ZNF462: variants seen among roughly 807,000 people sequenced by gnomAD.
The protein encoded by ZNF462 is zinc finger PBX1-interacting protein.
ZNF462 carries 10 observed loss-of-function variants against 201.9 expected under a neutral mutation model. The ratio of observed to expected loss-of-function variants is 0.05; its 90% CI spans 0.03 to 0.08. The LOEUF is 0.08. Ranked by LOEUF, ZNF462 falls within the 10% of genes least tolerant of loss-of-function variation. ZNF462 has a pLI of 1.00. For missense variants in ZNF462, 2,523 were observed against 3,168.3 expected, an observed-to-expected ratio of 0.80 and a Z score of 4.89; for synonymous variants, 1,227 against 1,193.3, an observed-to-expected ratio of 1.03 and a Z score of -0.58.
At chr9:106,884,346 T>C (rs1260225392) in intron 1 of ZNF462, among the ~76,000 whole-genome samples, 1 of 152,216 alleles carries the variant, frequency 6.6e-6, no homozygotes, top group Non-Finnish European at 1.5e-5. Flanking sequence ...CAGAACTTGA[T>C]ATTTGTGGCT....
chr9:106,969,989 A>T (rs1410287483), intron 7 of ZNF462, among the ~76,000 whole-genome samples: 1 of 152,186 alleles, frequency 6.6e-6, no homozygotes, highest in Non-Finnish European at 1.5e-5. Context: ...TTCAAGCAGA[A>T]ACTAGACTTG....
rs1427152310 is a variant in ZNF462, at chr9:106,952,942, T to A, written c.6427+13835T>A. On this transcript the variant is annotated intron_variant, in intron 7 of 12. Transcript: ENST00000277225. Reference sequence around the variant, plus strand: ...AGGTTAGGGGGCACATCAGCCTGACTCCAAAGTCTGTTTACTGTGCCACTG... The same window carrying A: ...AGGTTAGGGGGCACATCAGCCTGACACCAAAGTCTGTTTACTGTGCCACTG... Among the ~76,000 whole-genome samples the A allele has an allele frequency of 3.3e-5, 5 of 152,130 alleles. No homozygotes were observed. The East Asian group carries it at 9.7e-4, about 29-fold the overall frequency.
chr9:106,909,366 A>G (rs902960436), intron 1 of ZNF462, among the ~76,000 whole-genome samples: 5 of 152,080 alleles, frequency 3.3e-5, no homozygotes, highest in Non-Finnish European at 7.4e-5. Context: ...TGTTATAACC[A>G]CTACATTTAA....
intron 9 of ZNF462, among the ~76,000 whole-genome samples, chr9:106,979,914 G>A (rs1420714294): frequency 6.6e-6 from 1 of 152,122 alleles, no homozygotes; most frequent in Non-Finnish European, 1.5e-5. Flanking sequence ...TAAAGTTTCT[G>A]TTTCCCAATA....
Position 107,006,672 on chromosome 9 carries a change from A to C in ZNF462, c.7190-2873A>C, listed in dbSNP as rs1218217448. On this transcript the variant is annotated intron_variant, in intron 11 of 12. Transcript: ENST00000277225. This position sits in a 1 kb window ranked among gnomAD's most constrained non-coding sequence, Gnocchi z 4.3. ...CTGTTCCTTTTCCTGACTTGCACTC[A>C]CCCTCCTACCATGATGCCAGGGCTA... Among the ~76,000 whole-genome samples, 1 of 151,728 alleles carries C rather than the reference A, an allele frequency of 6.6e-6. No individual in the cohort carries two copies. Among genetic ancestry groups the C allele is most frequent in the East Asian group, 1.9e-4 (1 of 5,166 alleles).
intron 1 of ZNF462, among the ~76,000 whole-genome samples, chr9:106,887,297 T>G (rs1828362716): frequency 6.6e-6 from 1 of 152,220 alleles, no homozygotes; most frequent in East Asian, 1.9e-4. Flanking sequence ...TAACATGTTG[T>G]TCTTACATGT....
Position 106,870,812 on chromosome 9 carries a change from C to T in ZNF462, c.-31+7457C>T, listed in dbSNP as rs1280643204. ...ATTTGTGGAGAGAGCTTAGCCGCCA[C>T]AGAGCCCAGCTGGGGAAGGCCAAAC... On this transcript the variant is annotated intron_variant, in intron 1 of 12. Coordinates refer to ENST00000277225, the MANE Select transcript of ZNF462 (RefSeq NM_021224.6). The surrounding 1 kb of genome is among the most constrained non-coding windows in gnomAD (Gnocchi z 4.3). Among the ~76,000 whole-genome samples the T allele has an allele frequency of 6.6e-6, 1 of 152,196 alleles. No individual in the cohort carries two copies. The highest frequency in any genetic ancestry group is 1.5e-5 in the Non-Finnish European group (1 of 68,048).
In ZNF462 at chr9:106,913,604, A is replaced by C. The variant is rs1029479646; in HGVS notation, c.-30-9750A>C. ...TCAGAGGTCACATGCTAAAGACTTA[A>C]CTTTTTTTTTTTTGAGACAATCTCA... On this transcript the variant is annotated intron_variant, in intron 1 of 12. Coordinates refer to ENST00000277225, the MANE Select transcript of ZNF462 (RefSeq NM_021224.6). The surrounding 1 kb of genome is among the most constrained non-coding windows in gnomAD (Gnocchi z 4.1). Among the ~76,000 whole-genome samples the C allele has an allele frequency of 1.4e-5, 2 of 141,552 alleles. No individual in the cohort carries two copies. The highest frequency in any genetic ancestry group is 2.8e-5 in the African/African-American group (1 of 35,100). The allele number at this position is 141,552 out of a possible 152,430, so 92.9% of individuals were successfully genotyped here.
At chr9:106,967,996 T>C (rs1200439222) in intron 7 of ZNF462, among the ~76,000 whole-genome samples, 1 of 152,200 alleles carries the variant, frequency 6.6e-6, no homozygotes, top group Non-Finnish European at 1.5e-5. Flanking sequence ...GTTATTTTCT[T>C]AACTATTTCA....
chr9:106,891,017 A>G (rs1267559884), intron 1 of ZNF462, among the ~76,000 whole-genome samples: 1 of 152,148 alleles, frequency 6.6e-6, no homozygotes, highest in Non-Finnish European at 1.5e-5. Flanking sequence ...AATCAAGGAG[A>G]TTTTTAGCTA....
rs776539847 is a variant in ZNF462, at chr9:106,927,734, C to G, written c.3822C>G (p.Ser1274=). ...AATGTAGGCAGTGCTCATATACCTCCCCCTACTTCTATGCACTGAGGAAGC... is the reference window on the plus strand; with the variant it reads ...AATGTAGGCAGTGCTCATATACCTCGCCCTACTTCTATGCACTGAGGAAGC... ...ALKCRQCSYT[S]PYFYALRKHI... Residue 1274 remains serine (S), a synonymous_variant, in exon 3 of 13, where the codon TCC becomes TCG. Coordinates refer to ENST00000277225, the MANE Select transcript of ZNF462 (RefSeq NM_021224.6). 1.7e-5 allele frequency: 27 copies of G among 1,614,098 alleles called. No individual in the cohort carries two copies. Among genetic ancestry groups the G allele is most frequent in the Non-Finnish European group, 2.2e-5 (26 of 1,180,026 alleles).
At position 106,876,871 on chromosome 9, in the gene ZNF462, T is replaced by G; in HGVS notation, c.-31+13516T>G. Among the ~76,000 whole-genome samples, 1 of 152,236 alleles carries G rather than the reference T, an allele frequency of 6.6e-6. No individual in the cohort carries two copies. The highest frequency in any genetic ancestry group is 6.5e-5 in the Admixed American group (1 of 15,278). ...GCTGTTTATATAAATGTTGTCTGCC[T>G]CACTGTTGCTCTACTCACATACATA... On this transcript the variant is annotated intron_variant, in intron 1 of 12. Transcript: ENST00000277225. The surrounding 1 kb of genome is among the most constrained non-coding windows in gnomAD (Gnocchi z 4.9).
In ZNF462 at chr9:107,000,310, A is replaced by G. The variant is rs147087923; in HGVS notation, c.7057-2984A>G. On this transcript the variant is annotated intron_variant, in intron 10 of 12. Coordinates refer to ENST00000277225, the MANE Select transcript of ZNF462 (RefSeq NM_021224.6). ...TTTGTATTTCATCCTCAGGGCAAGC[A>G]GAGACTGACATGAAGAGACTTACAT... 5.4e-4 allele frequency among the ~76,000 whole-genome samples: 82 copies of G among 152,012 alleles called. 1 individual carries two copies. In the East Asian group the frequency reaches 0.014, roughly 27 times the overall value.
rs1018269290 is a variant in ZNF462, at chr9:106,935,425, G to A, written c.6117-78G>A. On this transcript the variant is annotated intron_variant, in intron 5 of 12. Transcript: ENST00000277225. This position sits in a 1 kb window ranked among gnomAD's most constrained non-coding sequence, Gnocchi z 4.1. Reference sequence around the variant, plus strand: ...TGAACGACCTAGAAGTAGGATTCCTGGAAAAAAAGCAATGAGCAAATCCTC... The same window carrying A: ...TGAACGACCTAGAAGTAGGATTCCTAGAAAAAAAGCAATGAGCAAATCCTC... The A allele has an allele frequency of 2.2e-5, 29 of 1,306,632 alleles. No homozygotes were observed. The African/African-American group carries it at 3.8e-4, about 17-fold the overall frequency. The allele number at this position is 1,306,632 out of a possible 1,614,324, so 80.9% of individuals were successfully genotyped here. A position where few individuals can be genotyped will look rare whatever the true frequency, so the allele number is the denominator to read the frequency against.
intron 1 of ZNF462, among the ~76,000 whole-genome samples, chr9:106,907,663 A>T (rs1250810753): frequency 6.6e-6 from 1 of 152,012 alleles, no homozygotes; most frequent in Non-Finnish European, 1.5e-5. Context: ...TATATAGCAT[A>T]TTTTTAAAAA....
intron 1 of ZNF462, among the ~76,000 whole-genome samples, chr9:106,904,284 C>T (rs985048656): frequency 6.6e-6 from 1 of 152,162 alleles, no homozygotes; most frequent in African/African-American, 2.4e-5. Flanking sequence ...TGTAGGGTTT[C>T]TGCTGAGAAA....
At chr9:106,942,087 G>T (rs898501814) in intron 7 of ZNF462, among the ~76,000 whole-genome samples, 10 of 152,186 alleles carry the variant, frequency 6.6e-5, no homozygotes, top group Non-Finnish European at 2.9e-5. Context: ...TTGCAGGCCT[G>T]GGGGGAGTCA....
chr9:106,980,269 A>C (rs77808688), intron 9 of ZNF462, among the ~76,000 whole-genome samples: 3,195 of 152,124 alleles, frequency 0.021, 109 homozygotes, highest in African/African-American at 0.073. Context: ...AAATAATGTT[A>C]TTTTCTTCAT....
chr9:106,941,596 T>C (rs1001963787), intron 7 of ZNF462, among the ~76,000 whole-genome samples: 12 of 152,246 alleles, frequency 7.9e-5, no homozygotes, highest in Admixed American at 5.9e-4. Context: ...ACAAAAGTCA[T>C]TGGGCCTGTA....
Sources: allele counts gnomAD v4.1 joint callset (sites outside exome capture counted in the v4.1 genomes callset), GRCh38; gene constraint gnomAD v4.1.1; non-coding constraint Gnocchi (gnomAD v3.1); transcripts MANE v1.5; gene names NCBI Gene and HGNC (gene_info 2026-07-23, HGNC 2026-07-21).